Variants in GFRA2 observed in about 807,000 individuals in gnomAD.
GFRA2 encodes the protein GDNF family receptor alpha-2.
Under a neutral mutation model 48.3 loss-of-function variants are expected in GFRA2, and 17 were observed. The observed-to-expected ratio is 0.35, with a 90% CI of 0.24 to 0.53. The LOEUF (loss-of-function observed/expected upper bound fraction) is 0.53. GFRA2 is among the 20% of genes least tolerant of loss of function. GFRA2 has a pLI of 0.93. For synonymous variants in GFRA2, 305 were observed against 257.2 expected (o/e 1.19, Z -1.78); for missense variants, 660 against 637.3 (o/e 1.04, Z -0.38).
intron 3 of GFRA2, among the ~76,000 whole-genome samples, chr8:21,753,269 A>C (rs1805386501): frequency 6.6e-6 from 1 of 152,178 alleles, no homozygotes. Context: ...ACATGTTCAC[A>C]CAAGGCCTTG....
At chr8:21,717,727 C>T (rs1238767389) in intron 4 of GFRA2, among the ~76,000 whole-genome samples, 1 of 152,200 alleles carries the variant, frequency 6.6e-6, no homozygotes, top group East Asian at 1.9e-4. Context: ...GACCTGGCTA[C>T]TCTTTCCTGG....
intron 4 of GFRA2, among the ~76,000 whole-genome samples, chr8:21,729,500 C>A (rs1796906361): frequency 6.6e-6 from 1 of 152,060 alleles, no homozygotes; most frequent in South Asian, 2.1e-4. Context: ...TGGGAGACGC[C>A]CCCCTGCCCT....
intron 3 of GFRA2, 121 bp downstream of exon 3, chr8:21,774,851 G>A (rs905842535): frequency 1.1e-5 from 7 of 660,274 alleles, no homozygotes; most frequent in South Asian, 9.0e-5. Context: ...GTTGAGGGAC[G>A]AGCTGATGGG....
At chr8:21,776,271 G>A (rs1054075209) in intron 2 of GFRA2, among the ~76,000 whole-genome samples, 40 of 152,156 alleles carry the variant, frequency 2.6e-4, no homozygotes, top group African/African-American at 8.7e-4. Context: ...ACCGAGCAAG[G>A]AGGCTGCCTG....
intron 6 of GFRA2, 47 bp downstream of exon 6, chr8:21,704,938 A>C: frequency 8.0e-7 from 1 of 1,256,288 alleles, no homozygotes; most frequent in Non-Finnish European, 1.1e-6. Context: ...AGACTCCAGG[A>C]GGGGTGGGAG....
At chr8:21,700,577 A>G (rs1345503449) in intron 7 of GFRA2, among the ~76,000 whole-genome samples, 1 of 152,142 alleles carries the variant, frequency 6.6e-6, no homozygotes, top group African/African-American at 2.4e-5. Flanking sequence ...TCGACTGCCA[A>G]CTGGCTGTGG....
At chr8:21,706,084 G>T in intron 4 of GFRA2, 43 bp from the exon 5 acceptor site, 1 of 1,282,472 alleles carries the variant, frequency 7.8e-7, no homozygotes, top group Non-Finnish European at 1.1e-6. Flanking sequence ...CAGGGGTTCA[G>T]TCTAGCTGCC....
upstream of GFRA2, chr8:21,788,907 C>G: frequency 3.5e-6 from 2 of 578,132 alleles, no homozygotes; most frequent in Non-Finnish European, 4.4e-6. Context: ...CCCCTTCTCC[C>G]ACTCTCCCTG....
At chr8:21,733,204 G>T (rs189995263) in intron 4 of GFRA2, among the ~76,000 whole-genome samples, 2 of 152,144 alleles carry the variant, frequency 1.3e-5, no homozygotes, top group East Asian at 3.9e-4. Flanking sequence ...CGCATCCCAG[G>T]TACCCACCTT....
At chr8:21,748,609 T>G (rs1233961024) in intron 4 of GFRA2, among the ~76,000 whole-genome samples, 1 of 152,220 alleles carries the variant, frequency 6.6e-6, no homozygotes, top group Non-Finnish European at 1.5e-5. Context: ...AATCCGACTC[T>G]GAAATGTATG....
upstream of GFRA2, among the ~76,000 whole-genome samples, chr8:21,789,002 T>C (rs1189562439): frequency 2.1e-5 from 3 of 145,682 alleles, no homozygotes; most frequent in East Asian, 6.3e-4. Context: ...CGCCCCGGGC[T>C]CGGCGCTCGG....
intron 7 of GFRA2, among the ~76,000 whole-genome samples, chr8:21,697,848 ACT>A (rs1018525096): frequency 6.0e-5 from 9 of 151,196 alleles, no homozygotes; most frequent in South Asian, 2.1e-4. Flanking sequence ...CCCTGCACAC[ACT>A]CTCTCTTTCC....
intron 3 of GFRA2, among the ~76,000 whole-genome samples, chr8:21,766,600 G>A (rs894404899): frequency 6.6e-6 from 1 of 151,374 alleles, no homozygotes; most frequent in Non-Finnish European, 1.5e-5. Context: ...ATCAGGCAAA[G>A]ATGGCCTCCC....
chr8:21,699,748 G>A (rs903203558), intron 7 of GFRA2, among the ~76,000 whole-genome samples: 19 of 152,190 alleles, frequency 1.2e-4, no homozygotes, highest in South Asian at 2.1e-4. Flanking sequence ...AGAGAGCTGC[G>A]GGCACTGAAA....
chr8:21,730,604 C>T (rs761861620), intron 4 of GFRA2, among the ~76,000 whole-genome samples: 4 of 152,134 alleles, frequency 2.6e-5, no homozygotes, highest in Non-Finnish European at 4.4e-5. Context: ...GGTGCCTCTC[C>T]AGCACCATCG....
intron 1 of GFRA2, 115 bp from the exon 2 acceptor site, chr8:21,783,014 C>T: frequency 1.0e-6 from 1 of 958,506 alleles, no homozygotes; most frequent in Non-Finnish European, 1.6e-6. Context: ...TTCGCCAAAG[C>T]ACACCAAGGC....
At chr8:21,764,791 G>A (rs1806076731) in intron 3 of GFRA2, among the ~76,000 whole-genome samples, 1 of 152,138 alleles carries the variant, frequency 6.6e-6, no homozygotes, top group African/African-American at 2.4e-5. Context: ...CCTTTCTCAA[G>A]ACAGAACAAA....
intron 4 of GFRA2, among the ~76,000 whole-genome samples, chr8:21,718,489 G>A (rs1052230348): frequency 3.9e-5 from 6 of 152,202 alleles, no homozygotes; most frequent in Admixed American, 1.3e-4. Flanking sequence ...ACAAATGTGC[G>A]TATGTGTGTG....
In GFRA2 at chr8:21,788,464, C is replaced by A; in HGVS notation, c.-305G>T. 4 of 1,123,402 alleles carry A rather than the reference C, an allele frequency of 3.6e-6. No homozygotes were observed. The highest frequency in any genetic ancestry group is 4.3e-6 in the Non-Finnish European group (4 of 919,622). 69.6% of individuals were successfully genotyped at this position (1,123,402 alleles called of 1,614,324 possible). The stretch of plus-strand genomic sequence containing the variant: ...ACAGCCCAGTCCTGGGGTCAGCCCT[C>A]CCCTCCAATCGTCCGGGAAGGCGTG... On this transcript the variant is annotated 5_prime_UTR_variant, in exon 1 of 9. Coordinates refer to ENST00000524240, the MANE Select transcript of GFRA2 (RefSeq NM_001495.5).
Sources: allele counts gnomAD v4.1 joint callset (sites outside exome capture counted in the v4.1 genomes callset), GRCh38; gene constraint gnomAD v4.1.1; transcripts MANE v1.5; gene names NCBI Gene and HGNC (gene_info 2026-07-23, HGNC 2026-07-21).